POLR2F: variants seen among roughly 807,000 people sequenced by gnomAD.
POLR2F encodes RNA polymerase II, I and III subunit F.
In POLR2F, 12 loss-of-function variants were observed where a neutral mutation model predicts 22.7. That is an observed-to-expected ratio of 0.53 (90% CI 0.34 to 0.86). POLR2F has a LOEUF of 0.86. POLR2F is among the 40% of genes least tolerant of loss of function. The pLI, the probability that POLR2F is intolerant of heterozygous loss-of-function variation, is 0.02. For missense variants in POLR2F, 126 were observed against 171.5 expected (o/e 0.73, Z 1.48); for synonymous variants, 57 against 66.0 (o/e 0.86, Z 0.66).
downstream of POLR2F, chr22:38,041,111 A>G: frequency 1.9e-6 from 3 of 1,612,932 alleles, no homozygotes; most frequent in Non-Finnish European, 2.5e-6. Flanking sequence ...AAGCCCCGTG[A>G]ACAATGCATG....
At chr22:38,025,707 T>C (rs1219156531) in intron 1 of POLR2F, 1 of 1,535,096 alleles carries the variant, frequency 6.5e-7, no homozygotes, top group Non-Finnish European at 8.8e-7. Context: ...CATCACCCCA[T>C]TGTACAGATG....
At chr22:38,026,320 A>G in exon 3 of POLR2F, 1 of 531,666 alleles carries the variant, frequency 1.9e-6, no homozygotes, top group South Asian at 1.4e-5. Context: ...AGAACAGATG[A>G]AAGAGGCCAG....
downstream of POLR2F, among the ~76,000 whole-genome samples, chr22:38,030,768 G>T (rs529788870): frequency 1.1e-3 from 163 of 152,242 alleles, no homozygotes; most frequent in African/African-American, 3.7e-3. Context: ...AAGAGGTCAT[G>T]CAGTGGGGAG....
downstream of POLR2F, among the ~76,000 whole-genome samples, chr22:38,029,564 G>A (rs1203145490): frequency 1.3e-5 from 2 of 152,184 alleles, no homozygotes; most frequent in African/African-American, 4.8e-5. Context: ...GCAGCACCTG[G>A]GATGGGTTTT....
downstream of POLR2F, among the ~76,000 whole-genome samples, chr22:37,972,047 A>G (rs1472332486): frequency 7.3e-6 from 1 of 136,324 alleles, no homozygotes; most frequent in Non-Finnish European, 1.6e-5. Context: ...AAAGAGAGAG[A>G]GGAGAGTGGG....
chr22:37,972,208 A>G (rs1403606493), downstream of POLR2F: 4 of 1,285,838 alleles, frequency 3.1e-6, no homozygotes, highest in Non-Finnish European at 4.1e-6. Context: ...TTGATGATCT[A>G]TCCTTTGCAT....
At chr22:37,989,994 G>A (rs1932689635) in intron 1 of POLR2F, among the ~76,000 whole-genome samples, 1 of 152,212 alleles carries the variant, frequency 6.6e-6, no homozygotes, top group Non-Finnish European at 1.5e-5. Flanking sequence ...TTCCCTCAGA[G>A]GAGGAGACAC....
chr22:38,031,688 C>G lies in POLR2F; in HGVS notation c.453-9380C>G, dbSNP rs1260372674. On this transcript the variant is annotated intron_variant, in intron 5 of 5. Coordinates refer to the POLR2F transcript ENST00000407936. The surrounding 1 kb of genome is among the most constrained non-coding windows in gnomAD (Gnocchi z 4.1). ...TCCTCACGTGTGACCCTGGTGACCTCCGAAGGTTGCTTCCAGCCTGAAAGT... is the reference window on the plus strand; with the variant it reads ...TCCTCACGTGTGACCCTGGTGACCTGCGAAGGTTGCTTCCAGCCTGAAAGT... Among the ~76,000 whole-genome samples the G allele has an allele frequency of 6.6e-6, 1 of 152,180 alleles. No homozygotes were observed. The highest frequency in any genetic ancestry group is 1.5e-5 in the Non-Finnish European group (1 of 68,022).
Position 37,966,870 on chromosome 22 carries a change from C to T in POLR2F, c.222-229C>T, listed in dbSNP as rs538607144. On this transcript the variant is annotated intron_variant, in intron 3 of 4. Transcript: ENST00000442738. The stretch of plus-strand genomic sequence containing the variant: ...GAATGGTGTGCCTTTGCACATGTCT[C>T]CCTTTCCACCAGGACATTCTGCTGT... Among the ~76,000 whole-genome samples, 8 of 152,326 alleles carry T rather than the reference C, an allele frequency of 5.3e-5. No homozygotes were observed. The East Asian group carries it at 1.5e-3, about 29-fold the overall frequency.
chr22:37,966,153 G>T (rs529043562), intron 3 of POLR2F, among the ~76,000 whole-genome samples: 2 of 152,204 alleles, frequency 1.3e-5, no homozygotes, highest in African/African-American at 4.8e-5. Flanking sequence ...GTCAGCACAC[G>T]ATTTCCAGGG....
chr22:38,022,066 G>A (rs1473462327), intron 1 of POLR2F, among the ~76,000 whole-genome samples: 1 of 151,128 alleles, frequency 6.6e-6, no homozygotes, highest in African/African-American at 2.4e-5. Flanking sequence ...GGGATGTGGA[G>A]GTTGCATTGA....
chr22:37,967,461 A>G, intron 4 of POLR2F, 164 bp from the exon 5 acceptor site: 1 of 1,437,044 alleles, frequency 7.0e-7, no homozygotes, highest in Non-Finnish European at 9.1e-7. Flanking sequence ...TGATATAAAA[A>G]CTTTCTTTTT....
intron 5 of POLR2F, among the ~76,000 whole-genome samples, chr22:38,037,248 CTTATG>C (rs147610006): frequency 0.043 from 6,500 of 149,480 alleles, 246 homozygotes; most frequent in East Asian, 0.098. Context: ...AATGAGCAAC[CTTATG>C]TTATGTTATG....
intron 3 of POLR2F, among the ~76,000 whole-genome samples, chr22:37,963,958 C>T (rs572251878): frequency 2.0e-5 from 3 of 152,000 alleles, no homozygotes; most frequent in Non-Finnish European, 2.9e-5. Context: ...AAAAATTAGC[C>T]GGGTGTGGTG....
At chr22:38,019,455 G>A (rs2084941965) in intron 1 of POLR2F, among the ~76,000 whole-genome samples, 1 of 152,188 alleles carries the variant, frequency 6.6e-6, no homozygotes, top group African/African-American at 2.4e-5. Context: ...CCTTGGGGGT[G>A]GTTGGGGAGT....
At position 37,968,467 on chromosome 22, in the gene POLR2F, C is replaced by G. The variant is rs1026371628; in HGVS notation, c.*752C>G. On this transcript the variant is annotated 3_prime_UTR_variant, in exon 5 of 5. Coordinates refer to ENST00000442738, the MANE Select transcript of POLR2F (RefSeq NM_021974.5). ...TTCCCTCCTATTTGGGGCTGGTGATCCCCTGAGGCCTTGGGGACATGGTGC... is the reference window on the plus strand; with the variant it reads ...TTCCCTCCTATTTGGGGCTGGTGATGCCCTGAGGCCTTGGGGACATGGTGC... The G allele has an allele frequency of 1.0e-6, 1 of 985,874 alleles. No homozygotes were observed. The highest frequency in any genetic ancestry group is 1.2e-6 in the Non-Finnish European group (1 of 830,226). The allele number at this position is 985,874 out of a possible 1,614,324, so 61.1% of individuals were successfully genotyped here.
At chr22:38,041,199 AG>A (rs1325752998), downstream of POLR2F, 1 of 1,582,756 alleles carries the variant, frequency 6.3e-7, no homozygotes, top group Admixed American at 1.7e-5. Context: ...GGCGGCCGCC[AG>A]GGAAGGGATG....
intron 1 of POLR2F, among the ~76,000 whole-genome samples, chr22:37,995,439 A>G (rs1056044490): frequency 7.2e-5 from 11 of 152,158 alleles, no homozygotes; most frequent in Non-Finnish European, 1.3e-4. Flanking sequence ...CCTAAAGCTC[A>G]TGTCTACAGA....
At chr22:37,975,319 G>A (rs1466752641) in intron 4 of POLR2F, among the ~76,000 whole-genome samples, 1 of 152,206 alleles carries the variant, frequency 6.6e-6, no homozygotes, top group Non-Finnish European at 1.5e-5. Context: ...GGACTTGGGA[G>A]ACCAGAGGAG....
Sources: allele counts gnomAD v4.1 joint callset (sites outside exome capture counted in the v4.1 genomes callset), GRCh38; gene constraint gnomAD v4.1.1; non-coding constraint Gnocchi (gnomAD v3.1); transcripts MANE v1.5; gene names NCBI Gene and HGNC (gene_info 2026-07-23, HGNC 2026-07-21).